KCTD8: variants seen among roughly 807,000 people sequenced by gnomAD.
KCTD8 encodes the protein potassium channel tetramerization domain containing 8, also known as BTB/POZ domain-containing protein KCTD8.
Under a neutral mutation model 31.5 loss-of-function variants are expected in KCTD8, and 27 were observed. The observed-to-expected ratio is 0.86, with a 90% CI of 0.63 to 1.18. The LOEUF (loss-of-function observed/expected upper bound fraction) is 1.18, where lower values mean the gene tolerates loss of function less well. Among genes scored for constraint, KCTD8 ranks in the 50% most tolerant of loss-of-function variants. The pLI is 0.00. For missense variants in KCTD8, 658 were observed against 647.7 expected (o/e 1.02, Z -0.17); for synonymous variants, 290 against 280.0 (o/e 1.04, Z -0.36).
intron 1 of KCTD8, among the ~76,000 whole-genome samples, chr4:44,247,408 C>A (rs1184720046): frequency 2.6e-5 from 4 of 151,762 alleles, no homozygotes; most frequent in Non-Finnish European, 5.9e-5. Flanking sequence ...TCATTCACCC[C>A]CCTAAAACCT....
intron 1 of KCTD8, among the ~76,000 whole-genome samples, chr4:44,358,747 T>C (rs1719417166): frequency 6.6e-6 from 1 of 152,102 alleles, no homozygotes; most frequent in African/African-American, 2.4e-5. Flanking sequence ...TTTTTTGTAT[T>C]TTTAGCAGAG....
chr4:44,176,496 A>G (rs1351968788), intron 1 of KCTD8, among the ~76,000 whole-genome samples: 1 of 152,210 alleles, frequency 6.6e-6, no homozygotes, highest in East Asian at 1.9e-4. Context: ...AATAGCCAAC[A>G]TGGGCAGTTG....
chr4:44,378,647 A>T (rs34889381), intron 1 of KCTD8, among the ~76,000 whole-genome samples: 14,000 of 152,054 alleles, frequency 0.092, 720 homozygotes, highest in Admixed American at 0.18. Context: ...TTACAATTGA[A>T]AAAACAATGA....
At chr4:44,301,102 A>C (rs1039359968) in intron 1 of KCTD8, among the ~76,000 whole-genome samples, 6 of 151,962 alleles carry the variant, frequency 3.9e-5, no homozygotes, top group African/African-American at 1.4e-4. Context: ...ACATTTTCTT[A>C]ATCCAGTCTA....
intron 1 of KCTD8, among the ~76,000 whole-genome samples, chr4:44,445,099 C>T (rs4588497): frequency 0.72 from 109,021 of 152,120 alleles, 39,646 homozygotes; most frequent in Middle Eastern, 0.84. Flanking sequence ...ATAAGATAAA[C>T]ACATTTGGTC....
At chr4:44,282,395 T>C (rs959862640) in intron 1 of KCTD8, among the ~76,000 whole-genome samples, 59 of 152,140 alleles carry the variant, frequency 3.9e-4, no homozygotes, top group African/African-American at 1.4e-3. Flanking sequence ...CTAGATATTA[T>C]GTGTGTTCTC....
intron 1 of KCTD8, among the ~76,000 whole-genome samples, chr4:44,301,521 A>G (rs1577602807): frequency 6.6e-6 from 1 of 152,198 alleles, no homozygotes; most frequent in African/African-American, 2.4e-5. Flanking sequence ...TCTTCTTTTG[A>G]GAAGTGTCTG....
chr4:44,298,279 T>C (rs1450208395), intron 1 of KCTD8, among the ~76,000 whole-genome samples: 1 of 152,136 alleles, frequency 6.6e-6, no homozygotes, highest in Non-Finnish European at 1.5e-5. Context: ...TCTGTCAGTC[T>C]TCTGTTTCGG....
intron 1 of KCTD8, among the ~76,000 whole-genome samples, chr4:44,202,788 T>C (rs1440636131): frequency 1.3e-5 from 2 of 151,644 alleles, no homozygotes; most frequent in East Asian, 1.9e-4. Flanking sequence ...AAAAGTAAAA[T>C]TGAAAGGATA....
At chr4:44,228,046 C>T (rs1045665067) in intron 1 of KCTD8, among the ~76,000 whole-genome samples, 1 of 152,156 alleles carries the variant, frequency 6.6e-6, no homozygotes, top group African/African-American at 2.4e-5. Flanking sequence ...TATTCAGACT[C>T]CTTACCATTG....
At chr4:44,412,454 G>A (rs1376032193) in intron 1 of KCTD8, among the ~76,000 whole-genome samples, 1 of 152,148 alleles carries the variant, frequency 6.6e-6, no homozygotes, top group Non-Finnish European at 1.5e-5. Flanking sequence ...ATAGTTTGTT[G>A]GAATATAGTT....
At chr4:44,338,860 C>A (rs556720964) in intron 1 of KCTD8, among the ~76,000 whole-genome samples, 2 of 152,014 alleles carry the variant, frequency 1.3e-5, no homozygotes, top group Non-Finnish European at 2.9e-5. Flanking sequence ...AAATAATCTG[C>A]GATTTTAATA....
chr4:44,205,323 G>A (rs1714270006), intron 1 of KCTD8, among the ~76,000 whole-genome samples: 1 of 152,130 alleles, frequency 6.6e-6, no homozygotes, highest in Admixed American at 6.5e-5. Context: ...AAGTGTAGTG[G>A]ATAGTGTGAA....
chr4:44,188,774 G>A (rs986252778), intron 1 of KCTD8, among the ~76,000 whole-genome samples: 2 of 152,192 alleles, frequency 1.3e-5, no homozygotes, highest in African/African-American at 4.8e-5. Context: ...TTGGAGTGAT[G>A]CAGCTACAAA....
At chr4:44,444,970 G>T (rs990408701) in intron 1 of KCTD8, among the ~76,000 whole-genome samples, 4 of 152,046 alleles carry the variant, frequency 2.6e-5, no homozygotes, top group Admixed American at 6.6e-5. Context: ...GTCAAAGGGG[G>T]AAATAAAAGC....
intron 1 of KCTD8, among the ~76,000 whole-genome samples, chr4:44,240,170 G>A (rs1398342170): frequency 6.6e-6 from 1 of 152,164 alleles, no homozygotes; most frequent in African/African-American, 2.4e-5. Context: ...ATGATTTACT[G>A]AAATTGAGAT....
intron 1 of KCTD8, among the ~76,000 whole-genome samples, chr4:44,304,369 G>T (rs1013883569): frequency 2.0e-5 from 3 of 152,086 alleles, no homozygotes; most frequent in African/African-American, 7.2e-5. Context: ...TAAAGTAGAT[G>T]GCCTGCATTT....
intron 1 of KCTD8, among the ~76,000 whole-genome samples, chr4:44,395,894 AT>A (rs964734028): frequency 6.6e-6 from 1 of 151,964 alleles, no homozygotes; most frequent in South Asian, 2.1e-4. Flanking sequence ...GTGGAAGACA[AT>A]TTTTTTTATG....
At chr4:44,341,773 C>G (rs776353666) in intron 1 of KCTD8, among the ~76,000 whole-genome samples, 5 of 152,168 alleles carry the variant, frequency 3.3e-5, no homozygotes, top group Non-Finnish European at 7.3e-5. Context: ...TTGGAATCAA[C>G]TTCTTCCAAA....
Sources: allele counts gnomAD v4.1 joint callset (sites outside exome capture counted in the v4.1 genomes callset), GRCh38; gene constraint gnomAD v4.1.1; transcripts MANE v1.5; gene names NCBI Gene and HGNC (gene_info 2026-07-23, HGNC 2026-07-21).